Variants in ADPGK observed in about 807,000 individuals in gnomAD.
ADPGK encodes ADP dependent glucokinase.
A neutral mutation model predicts 42.4 loss-of-function variants in ADPGK; 26 were observed. The observed-to-expected ratio is 0.61, with a 90% CI of 0.45 to 0.85. The LOEUF is 0.85. Ranked by LOEUF, ADPGK falls within the 40% of genes least tolerant of loss-of-function variation. ADPGK has a pLI of 0.00. For synonymous variants in ADPGK, 267 were observed against 252.6 expected, an observed-to-expected ratio of 1.06 and a Z score of -0.54; for missense variants, 571 against 627.0, an observed-to-expected ratio of 0.91 and a Z score of 0.95.
At position 72,769,965 on chromosome 15, in the gene ADPGK, T is replaced by C. The variant is rs981886247; in HGVS notation, c.522+1818A>G. Among the ~76,000 whole-genome samples, 5 of 152,258 alleles carry C rather than the reference T, an allele frequency of 3.3e-5. 1 individual carries two copies. The highest frequency in any genetic ancestry group is 4.8e-5 in the African/African-American group (2 of 41,470). On this transcript the variant is annotated intron_variant, in intron 3 of 6. Transcript: ENST00000456471. Reference sequence around the variant, plus strand: ...AAAACTTAAAACAGTGCCTGGTATATGGTAAAAAACTATAGAAGGAAGTGC... The same window carrying C: ...AAAACTTAAAACAGTGCCTGGTATACGGTAAAAAACTATAGAAGGAAGTGC...
At chr15:72,755,317 G>C (rs548591190) in intron 6 of ADPGK, among the ~76,000 whole-genome samples, 1 of 152,322 alleles carries the variant, frequency 6.6e-6, no homozygotes, top group East Asian at 1.9e-4. Flanking sequence ...TTCCAGAGGA[G>C]AAATATGATC....
chr15:72,764,614 G>A (rs2066235341), intron 3 of ADPGK, among the ~76,000 whole-genome samples: 1 of 152,204 alleles, frequency 6.6e-6, no homozygotes, highest in Non-Finnish European at 1.5e-5. Context: ...AAAAGATCTA[G>A]CTAAGATCAC....
chr15:72,780,697 G>A (rs920811266), intron 1 of ADPGK, among the ~76,000 whole-genome samples: 6 of 152,188 alleles, frequency 3.9e-5, no homozygotes, highest in African/African-American at 1.2e-4. Context: ...TCGGGACACT[G>A]AGCATGACAG....
intron 6 of ADPGK, 25 bp downstream of exon 6, chr15:72,755,531 C>T: frequency 6.3e-7 from 1 of 1,577,702 alleles, no homozygotes; most frequent in Non-Finnish European, 8.7e-7. Context: ...AGGATCAGGG[C>T]CAAACGATGG....
At chr15:72,762,674 C>T (rs552722299) in intron 3 of ADPGK, among the ~76,000 whole-genome samples, 4 of 152,106 alleles carry the variant, frequency 2.6e-5, no homozygotes, top group Non-Finnish European at 4.4e-5. Flanking sequence ...CAATAAAGGA[C>T]GATCCCTAAA....
At chr15:72,769,115 A>C (rs1475743428) in intron 3 of ADPGK, among the ~76,000 whole-genome samples, 1 of 152,226 alleles carries the variant, frequency 6.6e-6, no homozygotes, top group Non-Finnish European at 1.5e-5. Flanking sequence ...TTGATGTAAA[A>C]ATTTTAAACA....
intron 4 of ADPGK, among the ~76,000 whole-genome samples, chr15:72,758,938 TTTATTA>T (rs954811071): frequency 1.3e-5 from 2 of 152,156 alleles, no homozygotes; most frequent in African/African-American, 2.4e-5. Flanking sequence ...CTTTTATTTA[TTTATTA>T]TTATTATTTT....
intron 6 of ADPGK, 151 bp downstream of exon 6, chr15:72,755,405 T>C (rs2066098404): frequency 1.7e-6 from 1 of 600,582 alleles, no homozygotes; most frequent in Non-Finnish European, 3.0e-6. Context: ...TGGATCCTTA[T>C]TTGGATCTCC....
chr15:72,767,346 G>A (rs1025387763), intron 3 of ADPGK, among the ~76,000 whole-genome samples: 1 of 148,636 alleles, frequency 6.7e-6, no homozygotes, highest in Non-Finnish European at 1.5e-5. Flanking sequence ...AGTTGGAGAC[G>A]TCAACATACC....
At chr15:72,758,402 C>T (rs1393121208) in intron 4 of ADPGK, 8 of 524,742 alleles carry the variant, frequency 1.5e-5, no homozygotes, top group Non-Finnish European at 2.4e-5. Flanking sequence ...ATGGGCTTCT[C>T]TGGGGAGATC....
At chr15:72,765,430 G>C (rs1045467706) in intron 3 of ADPGK, among the ~76,000 whole-genome samples, 4 of 152,142 alleles carry the variant, frequency 2.6e-5, no homozygotes, top group Non-Finnish European at 1.5e-5. Flanking sequence ...GATTACAGGC[G>C]TGAGCCACTG....
intron 3 of ADPGK, 134 bp from the exon 4 acceptor site, chr15:72,760,661 G>C: frequency 2.4e-6 from 3 of 1,250,300 alleles, no homozygotes; most frequent in Non-Finnish European, 3.2e-6. Context: ...ATCTAATTTT[G>C]AAAGCTGTTG....
At chr15:72,764,980 T>A (rs2066239944) in intron 3 of ADPGK, among the ~76,000 whole-genome samples, 2 of 143,916 alleles carry the variant, frequency 1.4e-5, no homozygotes, top group Admixed American at 7.3e-5. Flanking sequence ...AGCCCACTGT[T>A]CAGAACTACT....
chr15:72,756,680 CT>C, intron 4 of ADPGK: 8 of 552,386 alleles, frequency 1.4e-5, no homozygotes, highest in East Asian at 3.0e-5. Context: ...TGCTATATGC[CT>C]TTTTCAAGGT....
In ADPGK at chr15:72,775,025, AT is replaced by A; in HGVS notation, c.305del (p.Asn102MetfsTer55). The A allele has an allele frequency of 1.2e-6, 2 of 1,614,134 alleles. No homozygotes were observed. The highest frequency in any genetic ancestry group is 1.7e-6 in the Non-Finnish European group (2 of 1,180,016). On this transcript the variant is annotated frameshift_variant, in exon 2 of 7. Coordinates refer to ENST00000456471, the MANE Select transcript of ADPGK (RefSeq NM_001365225.1). LOFTEE classifies it high-confidence loss of function. ...AATGCAGAATGCTGTGATCTTTCCC[AT>A]TCCCAGGACTAAGGCCAAGTGCCTG... The part of the protein sequence containing the change: ...LLQALGLSPG[N>X]GKDHSILHSR...
At chr15:72,766,649 T>C (rs918266343) in intron 3 of ADPGK, among the ~76,000 whole-genome samples, 8 of 152,202 alleles carry the variant, frequency 5.3e-5, no homozygotes, top group Non-Finnish European at 7.3e-5. Context: ...AATTCATGCG[T>C]TTTATTTTAT....
chr15:72,752,791 A>G lies in ADPGK; in HGVS notation c.1044T>C (p.Gly348=), dbSNP rs750168385. The G allele has an allele frequency of 5.9e-5, 96 of 1,614,112 alleles. No homozygotes were observed. Among genetic ancestry groups the G allele is most frequent in the Non-Finnish European group, 7.7e-5 (91 of 1,180,050 alleles). Reference sequence around the variant, plus strand: ...CACTGACCATGCCCACATCAGGAACACCGTTCCAGGAAGAGAGAGAAGAGT... The same window carrying G: ...CACTGACCATGCCCACATCAGGAACGCCGTTCCAGGAAGAGAGAGAAGAGT... ...GPHSSLSSWN[G]VPDVGMVSDI... is the part of the protein sequence containing the mutation. Residue 348 remains glycine (G), a synonymous_variant, in exon 7 of 7, where the codon GGT becomes GGC. Coordinates refer to ENST00000456471, the MANE Select transcript of ADPGK (RefSeq NM_001365225.1).
chr15:72,763,318 AT>A (rs34099103), intron 3 of ADPGK, among the ~76,000 whole-genome samples: 13,584 of 123,640 alleles, frequency 0.11, 457 homozygotes, highest in East Asian at 0.17. Flanking sequence ...CACTCGGCTA[AT>A]TTTTTTTTTT....
chr15:72,758,399 T>A, intron 4 of ADPGK: 1 of 534,198 alleles, frequency 1.9e-6, no homozygotes, highest in Non-Finnish European at 3.4e-6. Context: ...ACAATGGGCT[T>A]CTCTGGGGAG....
Sources: allele counts gnomAD v4.1 joint callset (sites outside exome capture counted in the v4.1 genomes callset), GRCh38; gene constraint gnomAD v4.1.1; transcripts MANE v1.5; gene names NCBI Gene and HGNC (gene_info 2026-07-23, HGNC 2026-07-21).